The following QTRT1 variants were observed in gnomAD, a reference collection of about 807,000 sequenced individuals.
QTRT1 encodes queuine tRNA-ribosyltransferase catalytic subunit 1, also known as TGT, 43-KD subunit.
Under a neutral mutation model 44.0 loss-of-function variants are expected in QTRT1, and 41 were observed. The ratio of observed to expected loss-of-function variants is 0.93; its 90% CI spans 0.73 to 1.21. The LOEUF (loss-of-function observed/expected upper bound fraction) is 1.21, where lower values mean the gene tolerates loss of function less well. QTRT1 is among the 50% of genes most tolerant of loss of function. The probability of loss-of-function intolerance (pLI) is 0.00; values close to 1 mark genes in which losing one functional copy is unlikely to be tolerated. For missense variants in QTRT1, 542 were observed against 575.8 expected, an observed-to-expected ratio of 0.94 and a Z score of 0.60; for synonymous variants, 226 against 237.1, an observed-to-expected ratio of 0.95 and a Z score of 0.43.
At chr19:10,705,631 G>A (rs1454633020) in intron 3 of QTRT1, among the ~76,000 whole-genome samples, 2 of 151,468 alleles carry the variant, frequency 1.3e-5, no homozygotes, top group Non-Finnish European at 2.9e-5. Context: ...TGCTTCCTGG[G>A]TTCAAGCGAT....
chr19:10,707,496 G>T lies in QTRT1; in HGVS notation c.531-4G>T, dbSNP rs763161641. On this transcript the variant is annotated splice_polypyrimidine_tract_variant and splice_region_variant and intron_variant, in intron 4 of 9. Coordinates refer to ENST00000250237, the MANE Select transcript of QTRT1 (RefSeq NM_031209.3). ...TGGGGCTTGTGACTGGGGCCCTGTT[G>T]CAGGTCAATCCGCTGGCTGGACCGG... 1.4e-5 allele frequency: 23 copies of T among 1,611,284 alleles called. No individual in the cohort carries two copies. Among genetic ancestry groups the T allele is most frequent in the Non-Finnish European group, 1.8e-5 (21 of 1,177,872 alleles).
intron 3 of QTRT1, among the ~76,000 whole-genome samples, chr19:10,702,994 C>G (rs896975792): frequency 2.0e-5 from 3 of 150,742 alleles, no homozygotes; most frequent in African/African-American, 2.4e-5. Context: ...CTCTCAAACT[C>G]CTGAGCTCAG....
intron 3 of QTRT1, among the ~76,000 whole-genome samples, chr19:10,704,231 CCATT>C (rs1181914765): frequency 2.0e-5 from 3 of 152,114 alleles, no homozygotes; most frequent in African/African-American, 7.2e-5. Context: ...TTTGCCTTGA[CCATT>C]CAAAGTGCTC....
chr19:10,706,071 G>C (rs2079070241), intron 3 of QTRT1, among the ~76,000 whole-genome samples: 1 of 148,674 alleles, frequency 6.7e-6, no homozygotes, highest in South Asian at 2.1e-4. Flanking sequence ...CGCCAGGATG[G>C]TGTCAATCTC....
chr19:10,705,648 G>C (rs558962806), intron 3 of QTRT1, among the ~76,000 whole-genome samples: 1 of 151,852 alleles, frequency 6.6e-6, no homozygotes, highest in Non-Finnish European at 1.5e-5. Context: ...CGATTCTCCT[G>C]CCTCAGCCTC....
At chr19:10,710,637 T>A (rs2068734668) in intron 5 of QTRT1, among the ~76,000 whole-genome samples, 1 of 151,872 alleles carries the variant, frequency 6.6e-6, no homozygotes, top group South Asian at 2.1e-4. Flanking sequence ...TAAATTTTAC[T>A]TTGGCCGGGC....
At chr19:10,705,773 T>A (rs1220647197) in intron 3 of QTRT1, among the ~76,000 whole-genome samples, 2 of 148,916 alleles carry the variant, frequency 1.3e-5, no homozygotes, top group African/African-American at 5.0e-5. Flanking sequence ...CGATCTCAAG[T>A]GATTGACCTG....
Position 10,712,223 on chromosome 19 carries a change from T to G in QTRT1, c.709T>G (p.Ser237Ala). The change falls in exon 6 of 10, where the codon TCG becomes GCG. Residue 237 changes from serine to alanine, a missense_variant. Physicochemically the swap from Ser to Ala is moderately conservative, Grantham distance 99. Coordinates refer to ENST00000250237, the MANE Select transcript of QTRT1 (RefSeq NM_031209.3). This position sits in a 1 kb window ranked among gnomAD's most constrained non-coding sequence, Gnocchi z 5.6. ...GGGCCTGAGCGGGGGTGAGAGCAAG[T>G]CGCAGTTCTGGCGGATGGTGGCGCT... is the stretch of plus-strand genomic sequence containing the variant. ...IGGLSGGESK[S>A]QFWRMVALST... 6.2e-7 allele frequency: 1 copy of G among 1,614,088 alleles called. No individual in the cohort carries two copies. The highest frequency in any genetic ancestry group is 8.5e-7 in the Non-Finnish European group (1 of 1,180,040).
At chr19:10,708,312 T>C (rs2068724021) in intron 5 of QTRT1, among the ~76,000 whole-genome samples, 1 of 152,090 alleles carries the variant, frequency 6.6e-6, no homozygotes, top group Non-Finnish European at 1.5e-5. Flanking sequence ...CCTCCTGGAG[T>C]GCAGTGGCTA....
Position 10,707,366 on chromosome 19 carries a change from G to T in QTRT1, c.516G>T (p.Glu172Asp). The change falls in exon 4 of 10, where the codon GAG becomes GAT. Residue 172 changes from glutamate to aspartate, a missense_variant. By Grantham distance (45) the Glu-to-Asp change is conservative. Coordinates refer to ENST00000250237, the MANE Select transcript of QTRT1 (RefSeq NM_031209.3). ...VSSTVTGPRV[E>D]EAMYRSIRWL... The stretch of plus-strand genomic sequence containing the variant: ...GTACTGTGACTGGGCCACGTGTGGA[G>T]GAGGCCATGTACAGGTGTGTATATG... The T allele has an allele frequency of 6.2e-7, 1 of 1,613,998 alleles. No individual in the cohort carries two copies.
Position 10,712,727 on chromosome 19 carries a change from C to T in QTRT1, c.862-31C>T, listed in dbSNP as rs777542749. The T allele has an allele frequency of 2.3e-5, 36 of 1,593,892 alleles. No homozygotes were observed. The East Asian group carries it at 3.8e-4, about 17-fold the overall frequency. On this transcript the variant is annotated intron_variant, in intron 7 of 9. Transcript: ENST00000250237. The surrounding 1 kb of genome is among the most constrained non-coding windows in gnomAD (Gnocchi z 5.6). ...GTGGGGAGAATGAAGCCCTGGGTGA[C>T]GCCCCTTTCCCTGCCCTTCCTCTCC...
Position 10,712,009 on chromosome 19 carries a change from C to G in QTRT1, c.647-152C>G. 1.1e-6 allele frequency: 1 copy of G among 925,142 alleles called. No homozygotes were observed. The highest frequency in any genetic ancestry group is 1.7e-6 in the Non-Finnish European group (1 of 596,260). 57.3% of individuals were successfully genotyped at this position (925,142 alleles called of 1,614,324 possible). ...CTCTCCTCTGTCTCCCTCTCCGTCT[C>G]CCTCTCCGTCTCTGGCTCTGTCTGT... On this transcript the variant is annotated intron_variant, in intron 5 of 9. Transcript: ENST00000250237. The surrounding 1 kb of genome is among the most constrained non-coding windows in gnomAD (Gnocchi z 5.6).
Position 10,712,226 on chromosome 19 carries a change from C to A in QTRT1, c.712C>A (p.Gln238Lys), listed in dbSNP as rs765616657. The A allele has an allele frequency of 1.2e-6, 2 of 1,614,118 alleles. No individual in the cohort carries two copies. Among genetic ancestry groups the A allele is most frequent in the South Asian group, 2.2e-5 (2 of 91,082 alleles). Residue 238 changes from glutamine to lysine, a missense_variant, in exon 6 of 10, where the codon CAG (glutamine) becomes AAG (lysine). Transcript: ENST00000250237. The surrounding 1 kb of genome is among the most constrained non-coding windows in gnomAD (Gnocchi z 5.6). ...GGLSGGESKSQFWRMVALSTS... is the reference protein window; with the variant it reads ...GGLSGGESKSKFWRMVALSTS... The stretch of plus-strand genomic sequence containing the variant: ...CCTGAGCGGGGGTGAGAGCAAGTCG[C>A]AGTTCTGGCGGATGGTGGCGCTGAG...
At chr19:10,704,690 C>T (rs553443215) in intron 3 of QTRT1, among the ~76,000 whole-genome samples, 27 of 151,940 alleles carry the variant, frequency 1.8e-4, no homozygotes, top group Non-Finnish European at 3.4e-4. Context: ...TGGGTTCAAG[C>T]GATTCTCCTG....
At position 10,702,105 on chromosome 19, in the gene QTRT1, G is replaced by T; in HGVS notation, c.313-11G>T. 2.5e-6 allele frequency: 4 copies of T among 1,614,152 alleles called. No individual in the cohort carries two copies. Among genetic ancestry groups the T allele is most frequent in the Non-Finnish European group, 3.4e-6 (4 of 1,180,026 alleles). On this transcript the variant is annotated splice_polypyrimidine_tract_variant and intron_variant, in intron 2 of 9. Transcript: ENST00000250237. ...CACCCCCTGACAGCTTTGCGGTGGG[G>T]TTTCCCTTAGGACAGCGGCGGTTTC...
chr19:10,703,173 C>T (rs928151472), intron 3 of QTRT1, among the ~76,000 whole-genome samples: 10 of 149,732 alleles, frequency 6.7e-5, no homozygotes, highest in African/African-American at 2.2e-4. Context: ...AGTGATTCTC[C>T]TGCCTCAGCC....
intron 1 of QTRT1, 33 bp downstream of exon 1, chr19:10,701,736 G>C (rs1417992591): frequency 1.3e-6 from 2 of 1,556,130 alleles, no homozygotes; most frequent in African/African-American, 2.7e-5. Context: ...GGGAGGCGGC[G>C]AGGCGGCGAG....
At chr19:10,710,078 G>A (rs1266642960) in intron 5 of QTRT1, among the ~76,000 whole-genome samples, 2 of 151,952 alleles carry the variant, frequency 1.3e-5, no homozygotes, top group Non-Finnish European at 2.9e-5. Context: ...CTAGATACTT[G>A]GGAGGCTGAG....
chr19:10,702,079 C>G (rs1321196323), intron 2 of QTRT1, 37 bp from the exon 3 acceptor site: 1 of 1,614,056 alleles, frequency 6.2e-7, no homozygotes, highest in African/African-American at 1.3e-5. Flanking sequence ...GTCCCCATCT[C>G]CACCCCCTGA....
Sources: allele counts gnomAD v4.1 joint callset (sites outside exome capture counted in the v4.1 genomes callset), GRCh38; gene constraint gnomAD v4.1.1; non-coding constraint Gnocchi (gnomAD v3.1); transcripts MANE v1.5; gene names NCBI Gene and HGNC (gene_info 2026-07-23, HGNC 2026-07-21).